GRK1: variants seen among roughly 807,000 people sequenced by gnomAD.
GRK1 encodes G protein-coupled receptor kinase 1, also known as rhodopsin kinase GRK1.
GRK1 carries 28 observed loss-of-function variants against 41.7 expected under a neutral mutation model. The ratio of observed to expected loss-of-function variants is 0.67; its 90% confidence interval spans 0.50 to 0.92. The LOEUF is 0.92. GRK1 is among the 40% of genes least tolerant of loss of function. The pLI is 0.00. For missense variants in GRK1, 703 were observed against 671.2 expected (o/e 1.05, Z -0.52); for synonymous variants, 327 against 286.7 (o/e 1.14, Z -1.42).
At chr13:113,733,992 A>ACGTGTGTGCGTGTGTGCG (rs2049980152) in intron 6 of GRK1, among the ~76,000 whole-genome samples, 1 of 122,814 alleles carries the variant, frequency 8.1e-6, no homozygotes, top group Non-Finnish European at 1.6e-5. Flanking sequence ...GTGTGTGCAT[A>ACGTGTGTGCGTGTGTGCG]CATGTGTGTG....
chr13:113,652,362 C>T, the GRK1 span, among the ~76,000 whole-genome samples: 2 of 152,346 alleles, frequency 1.3e-5, no homozygotes, highest in South Asian at 2.1e-4. Context: ...CACAGCTGCC[C>T]GGAGGCCCAG....
chr13:113,652,878 T>C, the GRK1 span: 2 of 1,614,154 alleles, frequency 1.2e-6, no homozygotes, highest in South Asian at 2.2e-5. Flanking sequence ...CTCACCCTGT[T>C]CATTTTAATA....
At chr13:113,658,444 G>A in the GRK1 span, among the ~76,000 whole-genome samples, 1,268 of 152,356 alleles carry the variant, frequency 8.3e-3, 16 homozygotes, top group African/African-American at 0.029. Flanking sequence ...GTGAGGGCAC[G>A]TTCCGGGGTG....
the GRK1 span, among the ~76,000 whole-genome samples, chr13:113,658,712 A>G: frequency 4.6e-5 from 7 of 152,156 alleles, no homozygotes; most frequent in Non-Finnish European, 8.8e-5. Context: ...CAGGGAACAC[A>G]GGGGTCCCCG....
chr13:113,723,945 CCTGTGT>C (rs994951019), intron 4 of GRK1, among the ~76,000 whole-genome samples: 4 of 150,742 alleles, frequency 2.7e-5, no homozygotes, highest in African/African-American at 9.8e-5. Context: ...TATCCGTGTG[CCTGTGT>C]CTGTGTGCAT....
chr13:113,733,726 CGCGCGTGTGT>C (rs2049963857), intron 6 of GRK1, among the ~76,000 whole-genome samples: 3 of 86,366 alleles, frequency 3.5e-5, no homozygotes, highest in African/African-American at 9.7e-5. Context: ...CGTGTGTGTG[CGCGCGTGTGT>C]ATGTGTGCAT....
At chr13:113,654,836 G>A in the GRK1 span, 5 of 1,614,038 alleles carry the variant, frequency 3.1e-6, no homozygotes, top group Non-Finnish European at 4.2e-6. Context: ...GCTGGTCTTG[G>A]TAGTCCGGTG....
chr13:113,651,734 G>A, the GRK1 span: 1 of 1,613,590 alleles, frequency 6.2e-7, no homozygotes, highest in Non-Finnish European at 8.5e-7. Flanking sequence ...CGATCTAGAA[G>A]GGAAAAGCTT....
intron 4 of GRK1, among the ~76,000 whole-genome samples, chr13:113,728,652 G>T (rs2049911777): frequency 6.6e-6 from 1 of 152,154 alleles, no homozygotes; most frequent in Admixed American, 6.5e-5. Context: ...AGACGCCCCG[G>T]CTCCGTGGAA....
upstream of GRK1, among the ~76,000 whole-genome samples, chr13:113,663,521 G>A (rs1245449231): frequency 2.0e-5 from 3 of 152,174 alleles, no homozygotes; most frequent in East Asian, 3.8e-4. Flanking sequence ...AGGAGGCAAA[G>A]AGAAGCTATC....
rs1159044653 is a variant in GRK1, at chr13:113,733,878, CATACGTGTGTGCGT to C, written c.1396+794_1396+807del. 4.9e-4 allele frequency among the ~76,000 whole-genome samples: 38 copies of C among 78,110 alleles called. 1 individual carries two copies. The highest frequency in any genetic ancestry group is 4.2e-4 in the Admixed American group (3 of 7,158). 51.2% of individuals were successfully genotyped at this position (78,110 alleles called of 152,430 possible). A position where few individuals can be genotyped will look rare whatever the true frequency, so the allele number is the denominator to read the frequency against. ...GTGTGCATACGTGTGTGCGTGTGTG[CATACGTGTGTGCGT>C]GTGTGTATGTGTGCATACAGTGTGC... On this transcript the variant is annotated intron_variant, in intron 6 of 6. Transcript: ENST00000335678.
intron 4 of GRK1, among the ~76,000 whole-genome samples, chr13:113,730,871 G>T (rs1273298756): frequency 5.9e-5 from 9 of 152,328 alleles, no homozygotes; most frequent in Admixed American, 2.6e-4. Flanking sequence ...AATGATGTTG[G>T]ATTCTCCCCA....
At chr13:113,733,823 G>GCA (rs2049969499) in intron 6 of GRK1, among the ~76,000 whole-genome samples, 1 of 137,420 alleles carries the variant, frequency 7.3e-6, no homozygotes, top group African/African-American at 3.2e-5. Context: ...ACGTGTGTGC[G>GCA]TGTGTGTGCA....
At chr13:113,649,370 C>T in the GRK1 span, 54 of 1,591,224 alleles carry the variant, frequency 3.4e-5, no homozygotes, top group African/African-American at 6.2e-4. The surrounding 1 kb of genome is among the most constrained non-coding windows in gnomAD (Gnocchi z 4.7). Flanking sequence ...CTGCGCAAAC[C>T]GTTTCACTTC....
At chr13:113,652,778 C>T in the GRK1 span, 1 of 1,451,310 alleles carries the variant, frequency 6.9e-7, no homozygotes, top group East Asian at 2.4e-5. Context: ...TGGGCAAGCC[C>T]CAGACAGGAC....
rs1336285099 is a variant in GRK1 at position 113,667,924 on chromosome 13, C to T, written c.538C>T (p.Leu180=). The T allele has an allele frequency of 1.2e-6, 2 of 1,607,920 alleles. No homozygotes were observed. Among genetic ancestry groups the T allele is most frequent in the Admixed American group, 1.7e-5 (1 of 59,238 alleles). Residue 180 remains leucine, a synonymous_variant, in exon 1 of 7, where the codon CTG becomes TTG. Transcript: ENST00000335678. This position sits in a 1 kb window ranked among gnomAD's most constrained non-coding sequence, Gnocchi z 7.5. The part of the protein sequence containing the change: ...YFLRFLQWKW[L]EAQPMGEDWF... Reference sequence around the variant, plus strand: ...CCTGAGGTTCCTGCAGTGGAAGTGGCTGGAAGCCCAGCCCATGGGGGAGGA... The same window carrying T: ...CCTGAGGTTCCTGCAGTGGAAGTGGTTGGAAGCCCAGCCCATGGGGGAGGA...
At chr13:113,729,560 C>T (rs1469180019) in intron 4 of GRK1, among the ~76,000 whole-genome samples, 3 of 152,240 alleles carry the variant, frequency 2.0e-5, no homozygotes, top group Non-Finnish European at 4.4e-5. Flanking sequence ...GAGCCGGCAG[C>T]TGACACAAGG....
chr13:113,725,270 G>A (rs1326243300), intron 4 of GRK1, among the ~76,000 whole-genome samples: 1 of 151,536 alleles, frequency 6.6e-6, no homozygotes. Flanking sequence ...CCAGGGGCGT[G>A]CACAGGGCGG....
chr13:113,653,237 C>T, the GRK1 span: 1 of 1,371,840 alleles, frequency 7.3e-7, no homozygotes, highest in African/African-American at 1.5e-5. Flanking sequence ...CCTCACCCAC[C>T]CGCCGCTTCA....
Sources: gnomAD v4.1 joint callset for allele counts (sites outside exome capture counted in the v4.1 genomes callset) on GRCh38, gnomAD v4.1.1 for gene constraint, Gnocchi (gnomAD v3.1) non-coding constraint, MANE v1.5 for transcripts, NCBI Gene and HGNC (gene_info 2026-07-23, HGNC 2026-07-21) for gene names.